PABPC4L: variants seen among roughly 807,000 people sequenced by gnomAD.
PABPC4L encodes poly(A) binding protein cytoplasmic 4 like, also known as polyadenylate-binding protein 4-like.
For synonymous variants in PABPC4L, 169 were observed against 164.1 expected (o/e 1.03, Z -0.23); for missense variants, 452 against 451.4 (o/e 1.00, Z -0.01).
the PABPC4L span, among the ~76,000 whole-genome samples, chr4:133,953,909 C>T: frequency 3.3e-4 from 50 of 152,280 alleles, no homozygotes; most frequent in South Asian, 7.7e-3. Context: ...TCTGCTAAAC[C>T]AAGCGGATCT....
the PABPC4L span, among the ~76,000 whole-genome samples, chr4:134,072,481 T>G: frequency 0.013 from 1,925 of 152,326 alleles, 42 homozygotes; most frequent in African/African-American, 0.041. Flanking sequence ...TTTGTTTTAC[T>G]TCTTTAGAAT....
At chr4:134,037,676 T>A in the PABPC4L span, among the ~76,000 whole-genome samples, 1 of 152,152 alleles carries the variant, frequency 6.6e-6, no homozygotes, top group South Asian at 2.1e-4. Context: ...ACATCATTAA[T>A]CATCATGGAA....
At chr4:134,076,575 A>T in the PABPC4L span, among the ~76,000 whole-genome samples, 1 of 152,116 alleles carries the variant, frequency 6.6e-6, no homozygotes, top group South Asian at 2.1e-4. Context: ...ATATAAGCAA[A>T]TGAGTAACTA....
the PABPC4L span, among the ~76,000 whole-genome samples, chr4:134,055,823 T>C: frequency 6.6e-6 from 1 of 152,020 alleles, no homozygotes; most frequent in Non-Finnish European, 1.5e-5. Context: ...ATGTTTAATT[T>C]TGTTGAAGTC....
chr4:134,057,769 A>T, the PABPC4L span, among the ~76,000 whole-genome samples: 3 of 151,986 alleles, frequency 2.0e-5, no homozygotes, highest in Non-Finnish European at 4.4e-5. Context: ...AGAATTCAAC[A>T]CCATGTCATT....
chr4:134,103,673 T>G, the PABPC4L span, among the ~76,000 whole-genome samples: 2 of 151,802 alleles, frequency 1.3e-5, no homozygotes, highest in Non-Finnish European at 2.9e-5. Context: ...CAACTCAGAC[T>G]GTAACAAGTA....
At chr4:134,195,385 A>C (rs1310712121), downstream of PABPC4L, among the ~76,000 whole-genome samples, 1 of 151,782 alleles carries the variant, frequency 6.6e-6, no homozygotes, top group Non-Finnish European at 1.5e-5. Flanking sequence ...AGAAAATTCC[A>C]CTGGAGATAC....
chr4:134,062,106 G>GA, the PABPC4L span, among the ~76,000 whole-genome samples: 1,237 of 144,474 alleles, frequency 8.6e-3, 14 homozygotes, highest in African/African-American at 0.029. Flanking sequence ...GTATGAAAAA[G>GA]AAAAAAAAAA....
chr4:134,145,155 T>C, the PABPC4L span, among the ~76,000 whole-genome samples: 1 of 151,766 alleles, frequency 6.6e-6, no homozygotes, highest in Non-Finnish European at 1.5e-5. Context: ...AATACTACAC[T>C]CTGGTGACTT....
the PABPC4L span, among the ~76,000 whole-genome samples, chr4:134,113,989 TATG>T: frequency 3.9e-5 from 6 of 151,900 alleles, no homozygotes; most frequent in Non-Finnish European, 8.8e-5. Flanking sequence ...ATCTGGGTGT[TATG>T]ATAAATTTTA....
the PABPC4L span, among the ~76,000 whole-genome samples, chr4:134,150,146 G>A: frequency 1.3e-5 from 2 of 150,044 alleles, no homozygotes; most frequent in East Asian, 2.0e-4. Context: ...GCAATGGCGC[G>A]ATCTCGGCTC....
the PABPC4L span, among the ~76,000 whole-genome samples, chr4:134,162,052 A>G: frequency 6.6e-6 from 1 of 152,086 alleles, no homozygotes; most frequent in South Asian, 2.1e-4. Flanking sequence ...CTTCATTGTA[A>G]TCCCAAAGCA....
the PABPC4L span, among the ~76,000 whole-genome samples, chr4:134,081,747 C>T: frequency 1.3e-5 from 2 of 151,936 alleles, no homozygotes; most frequent in Admixed American, 1.3e-4. Context: ...AAAAGAAAAA[C>T]CAACTAACCA....
At chr4:134,093,040 T>A in the PABPC4L span, among the ~76,000 whole-genome samples, 2 of 151,802 alleles carry the variant, frequency 1.3e-5, no homozygotes, top group Admixed American at 1.3e-4. Context: ...AGCTCAATAA[T>A]TTTTTTTGTG....
the PABPC4L span, among the ~76,000 whole-genome samples, chr4:134,006,860 G>T: frequency 6.6e-6 from 1 of 151,544 alleles, no homozygotes; most frequent in African/African-American, 2.4e-5. Flanking sequence ...CAATCTCAAA[G>T]TGTGATCTTC....
the PABPC4L span, among the ~76,000 whole-genome samples, chr4:134,179,686 G>C: frequency 6.6e-6 from 1 of 151,770 alleles, no homozygotes; most frequent in East Asian, 1.9e-4. Context: ...TAAAGGGATA[G>C]AAAAAAATCT....
the PABPC4L span, among the ~76,000 whole-genome samples, chr4:134,059,267 C>A: frequency 6.6e-6 from 1 of 151,418 alleles, no homozygotes; most frequent in Non-Finnish European, 1.5e-5. Context: ...ACATACATCT[C>A]CAAATTATAC....
the PABPC4L span, among the ~76,000 whole-genome samples, chr4:134,054,252 G>GTATATATATATATATATATATA: frequency 1.1e-5 from 1 of 93,784 alleles, no homozygotes; most frequent in Admixed American, 1.2e-4. Flanking sequence ...AGTTGTATAT[G>GTATATATATATATATATATATA]TATATATATA....
chr4:134,011,017 A>G, the PABPC4L span, among the ~76,000 whole-genome samples: 1 of 152,158 alleles, frequency 6.6e-6, no homozygotes, highest in Non-Finnish European at 1.5e-5. Flanking sequence ...TGGCACTTAA[A>G]ATTGTGAAAA....
Sources: allele counts gnomAD v4.1 joint callset (sites outside exome capture counted in the v4.1 genomes callset), GRCh38; gene constraint gnomAD v4.1.1; transcripts MANE v1.5; gene names NCBI Gene and HGNC (gene_info 2026-07-23, HGNC 2026-07-21).